LSM14A: variants seen among roughly 807,000 people sequenced by gnomAD.
LSM14A encodes protein LSM14 homolog A.
LSM14A carries 14 observed loss-of-function variants against 52.4 expected under a neutral mutation model. That is an observed-to-expected ratio of 0.27 (90% CI 0.18 to 0.42). LSM14A has a LOEUF of 0.42. LSM14A is among the 10% of genes least tolerant of loss of function. LSM14A has a pLI of 1.00. For synonymous variants in LSM14A, 185 were observed against 200.3 expected (o/e 0.92, Z 0.64); for missense variants, 417 against 581.8 (o/e 0.72, Z 2.91).
At chr19:34,177,268 T>A (rs1239927057) in intron 1 of LSM14A, among the ~76,000 whole-genome samples, 1 of 152,232 alleles carries the variant, frequency 6.6e-6, no homozygotes, top group Non-Finnish European at 1.5e-5. Flanking sequence ...TTTCTTTTTT[T>A]AAAACATCAT....
At position 34,227,327 on chromosome 19, in the gene LSM14A, A is replaced by C. The variant is rs570588734; in HGVS notation, c.1369-38A>C. The C allele has an allele frequency of 1.1e-5, 16 of 1,459,030 alleles. No individual in the cohort carries two copies. In the East Asian group the frequency reaches 3.6e-4, roughly 33 times the overall value. 90.4% of individuals were successfully genotyped at this position (1,459,030 alleles called of 1,614,324 possible). ...AGTAAAAAGAAAATAATACACCAAT[A>C]ATTTGGAACATGAGCTAAATTTTTT... is the stretch of plus-strand genomic sequence containing the variant. On this transcript the variant is annotated intron_variant, in intron 9 of 9. Coordinates refer to ENST00000544216, the MANE Select transcript of LSM14A (RefSeq NM_015578.4).
At chr19:34,199,268 G>T (rs1472598040) in intron 3 of LSM14A, among the ~76,000 whole-genome samples, 1 of 151,950 alleles carries the variant, frequency 6.6e-6, no homozygotes, top group Non-Finnish European at 1.5e-5. Context: ...GGGATTATAG[G>T]CATGCACCAC....
intron 1 of LSM14A, among the ~76,000 whole-genome samples, chr19:34,178,505 A>C (rs1568470318): frequency 6.6e-6 from 1 of 152,216 alleles, no homozygotes; most frequent in Non-Finnish European, 1.5e-5. Context: ...TCTGTGTCAC[A>C]GCTCTGAATT....
Position 34,227,462 on chromosome 19 carries a change from A to G in LSM14A, c.*74A>G. ...CCTGAACATTGATTTCAGTCTTTGC[A>G]AAGAATGAAGAAGTGAATTCGCTGT... On this transcript the variant is annotated 3_prime_UTR_variant, in exon 10 of 10. Coordinates refer to ENST00000544216, the MANE Select transcript of LSM14A (RefSeq NM_015578.4). The G allele has an allele frequency of 2.5e-6, 3 of 1,192,908 alleles. No individual in the cohort carries two copies. In the South Asian group the frequency reaches 4.5e-5, roughly 18 times the overall value. The allele number at this position is 1,192,908 out of a possible 1,614,324, so 73.9% of individuals were successfully genotyped here.
intron 8 of LSM14A, among the ~76,000 whole-genome samples, chr19:34,220,238 G>A (rs1273221124): frequency 6.6e-6 from 1 of 152,086 alleles, no homozygotes; most frequent in African/African-American, 2.4e-5. Context: ...GATTACAGGC[G>A]TGAGCCACCA....
intron 1 of LSM14A, among the ~76,000 whole-genome samples, chr19:34,191,859 C>G (rs1042799425): frequency 2.0e-5 from 3 of 152,156 alleles, no homozygotes; most frequent in Non-Finnish European, 4.4e-5. Flanking sequence ...GTCCTTTCTC[C>G]TCCTTATCCT....
chr19:34,225,368 T>C (rs139125876), intron 9 of LSM14A, among the ~76,000 whole-genome samples: 24 of 152,314 alleles, frequency 1.6e-4, no homozygotes, highest in Non-Finnish European at 3.2e-4. Context: ...AGGTAGAAAA[T>C]GGTGAGTGAT....
intron 6 of LSM14A, 80 bp downstream of exon 6, chr19:34,215,741 T>C: frequency 9.6e-7 from 1 of 1,036,580 alleles, no homozygotes; most frequent in Non-Finnish European, 1.4e-6. Context: ...ATAATTACTA[T>C]AAAAAAATGA....
chr19:34,177,256 T>C (rs1325720300), intron 1 of LSM14A, among the ~76,000 whole-genome samples: 3 of 152,192 alleles, frequency 2.0e-5, no homozygotes, highest in Non-Finnish European at 4.4e-5. Context: ...TTATGGCTAG[T>C]GTTTCTTTTT....
At chr19:34,194,328 A>T (rs1174459336) in intron 1 of LSM14A, 150 bp from the exon 2 acceptor site, 1 of 706,590 alleles carries the variant, frequency 1.4e-6, no homozygotes, top group African/African-American at 1.9e-5. Flanking sequence ...TTTCCTCTTT[A>T]AAAAAACTTT....
At chr19:34,223,407 G>A (rs1462095554) in intron 9 of LSM14A, among the ~76,000 whole-genome samples, 2 of 152,108 alleles carry the variant, frequency 1.3e-5, no homozygotes, top group Non-Finnish European at 2.9e-5. Flanking sequence ...TTGTAAGCCT[G>A]TCCTGGACCC....
chr19:34,221,866 C>A, intron 9 of LSM14A, 128 bp downstream of exon 9: 1 of 1,440,836 alleles, frequency 6.9e-7, no homozygotes, highest in South Asian at 1.5e-5. Flanking sequence ...TTTGACTTTT[C>A]AGTAGAGGAT....
chr19:34,203,626 C>G (rs1267738228), intron 3 of LSM14A, among the ~76,000 whole-genome samples: 1 of 151,868 alleles, frequency 6.6e-6, no homozygotes, highest in Non-Finnish European at 1.5e-5. Context: ...ACAGTGAAAC[C>G]CTGTCTCTAC....
At chr19:34,214,849 A>G (rs1220704062) in intron 4 of LSM14A, among the ~76,000 whole-genome samples, 1 of 149,274 alleles carries the variant, frequency 6.7e-6, no homozygotes, top group Non-Finnish European at 1.5e-5. Flanking sequence ...AAACTCTTCC[A>G]CTAAGTAGAA....
chr19:34,205,303 A>G (rs1161374595), intron 3 of LSM14A, among the ~76,000 whole-genome samples: 1 of 151,692 alleles, frequency 6.6e-6, no homozygotes, highest in Admixed American at 6.6e-5. Flanking sequence ...CCTGGCCAAC[A>G]TGGTGAAACC....
chr19:34,226,517 G>A (rs868244902), intron 9 of LSM14A: 4 of 1,421,836 alleles, frequency 2.8e-6, no homozygotes, highest in African/African-American at 1.5e-5. Context: ...GTGGGGGACA[G>A]CAGGTTCATC....
At chr19:34,200,774 T>A (rs903485790) in intron 3 of LSM14A, among the ~76,000 whole-genome samples, 3 of 152,232 alleles carry the variant, frequency 2.0e-5, no homozygotes, top group African/African-American at 7.2e-5. Flanking sequence ...TATTTATTCA[T>A]GTTAAATCAA....
intron 4 of LSM14A, among the ~76,000 whole-genome samples, chr19:34,209,369 T>A (rs1008221865): frequency 1.3e-5 from 2 of 152,228 alleles, no homozygotes; most frequent in African/African-American, 4.8e-5. Context: ...CCATTAAAGT[T>A]GAGCTATCCA....
intron 1 of LSM14A, among the ~76,000 whole-genome samples, chr19:34,177,850 C>G (rs978524637): frequency 6.6e-6 from 1 of 152,062 alleles, no homozygotes; most frequent in African/African-American, 2.4e-5. Flanking sequence ...CCACTGCACT[C>G]CAGCCTGAAA....
Sources: gnomAD v4.1 joint callset for allele counts (sites outside exome capture counted in the v4.1 genomes callset) on GRCh38, gnomAD v4.1.1 for gene constraint, MANE v1.5 for transcripts, NCBI Gene and HGNC (gene_info 2026-07-23, HGNC 2026-07-21) for gene names.